The following RAI1 variants were observed in gnomAD, a reference collection of about 807,000 sequenced individuals.
RAI1 encodes retinoic acid induced 1.
Under a neutral mutation model 123.8 loss-of-function variants are expected in RAI1, and 9 were observed. The observed-to-expected ratio is 0.07, with a 90% CI of 0.04 to 0.13. RAI1 has a LOEUF of 0.13. RAI1 is among the 10% of genes least tolerant of loss of function. The probability of loss-of-function intolerance (pLI) is 1.00; values close to 1 mark genes in which losing one functional copy is unlikely to be tolerated. For synonymous variants in RAI1, 1,231 were observed against 1,127.3 expected (o/e 1.09, Z -1.84); for missense variants, 2,256 against 2,545.8 (o/e 0.89, Z 2.45).
rs1428329084 is a variant in RAI1, at chr17:17,793,037, A to G, written c.89A>G (p.Tyr30Cys). Reference sequence around the variant, plus strand: ...CAGGAAACATCACGCCTAGAGAATTACAGGCAGCCGAGTCAGGCCGGGCTA... The same window carrying G: ...CAGGAAACATCACGCCTAGAGAATTGCAGGCAGCCGAGTCAGGCCGGGCTA... Reference protein sequence around the residue: ...TSQETSRLENYRQPSQAGLSC... With the variant: ...TSQETSRLENCRQPSQAGLSC... The change falls in exon 3 of 6, where the codon TAC (tyrosine) becomes TGC (cysteine). Residue 30 changes from tyrosine to cysteine, a missense_variant. Around this residue, in one of 7 missense-constraint regions of RAI1, gnomAD observed 336 missense variants for 349.8 expected, o/e 0.96. Coordinates refer to ENST00000353383, the MANE Select transcript of RAI1 (RefSeq NM_030665.4). The G allele has an allele frequency of 6.2e-7, 1 of 1,614,178 alleles. No homozygotes were observed. Among genetic ancestry groups the G allele is most frequent in the South Asian group, 1.1e-5 (1 of 91,082 alleles).
At chr17:17,730,249 C>A (rs114702520) in intron 2 of RAI1, among the ~76,000 whole-genome samples, 8 of 152,224 alleles carry the variant, frequency 5.3e-5, no homozygotes, top group Admixed American at 5.2e-4. Context: ...GAAATGCTTC[C>A]GTTAGTCACT....
chr17:17,712,906 A>T (rs1411570266), intron 1 of RAI1, among the ~76,000 whole-genome samples: 1 of 152,020 alleles, frequency 6.6e-6, no homozygotes, highest in Non-Finnish European at 1.5e-5. Context: ...TGCAGATCAT[A>T]TGATTCCATT....
At chr17:17,737,745 AG>A (rs1916482020) in intron 2 of RAI1, among the ~76,000 whole-genome samples, 2 of 152,140 alleles carry the variant, frequency 1.3e-5, no homozygotes, top group Admixed American at 1.3e-4. Context: ...AACATGGGCA[AG>A]GGTCCAGGGC....
At chr17:17,728,928 A>G (rs1035581449) in intron 2 of RAI1, among the ~76,000 whole-genome samples, 12 of 152,120 alleles carry the variant, frequency 7.9e-5, no homozygotes, top group Non-Finnish European at 1.3e-4. Context: ...GGGGCCTACC[A>G]TGACAAGAAC....
intron 2 of RAI1, among the ~76,000 whole-genome samples, chr17:17,788,840 C>CTGTA (rs1598083344): frequency 6.6e-6 from 1 of 152,148 alleles, no homozygotes; most frequent in African/African-American, 2.4e-5. Flanking sequence ...CAGCTCTGGC[C>CTGTA]TACACTGTGC....
intron 2 of RAI1, among the ~76,000 whole-genome samples, chr17:17,739,147 A>C (rs1916534562): frequency 6.6e-6 from 1 of 152,238 alleles, no homozygotes; most frequent in Non-Finnish European, 1.5e-5. Flanking sequence ...TATTGCTCAC[A>C]CACTGGGGCA....
chr17:17,736,669 A>G (rs931624855), intron 2 of RAI1, among the ~76,000 whole-genome samples: 3 of 152,234 alleles, frequency 2.0e-5, no homozygotes, highest in African/African-American at 7.2e-5. Flanking sequence ...TTTCTAGAGA[A>G]GAGATGAAAA....
At chr17:17,725,565 G>C (rs1175898464) in intron 2 of RAI1, among the ~76,000 whole-genome samples, 1 of 152,162 alleles carries the variant, frequency 6.6e-6, no homozygotes, top group Non-Finnish European at 1.5e-5. Flanking sequence ...GAGGCTTCCC[G>C]GCACGCAGAA....
intron 2 of RAI1, among the ~76,000 whole-genome samples, chr17:17,736,098 C>A (rs996677136): frequency 2.0e-5 from 3 of 152,108 alleles, no homozygotes; most frequent in Non-Finnish European, 4.4e-5. Context: ...GTGTGCATTG[C>A]GCATGGCCCT....
At chr17:17,778,816 A>G (rs1306719226) in intron 2 of RAI1, 1 of 456,708 alleles carries the variant, frequency 2.2e-6, no homozygotes, top group Non-Finnish European at 4.4e-6. Flanking sequence ...CTAGCTATGT[A>G]CAGCTGGAAG....
At chr17:17,755,529 G>A (rs909210220) in intron 2 of RAI1, among the ~76,000 whole-genome samples, 18 of 152,190 alleles carry the variant, frequency 1.2e-4, no homozygotes, top group Non-Finnish European at 4.4e-5. Flanking sequence ...GGAGGGCAGA[G>A]GGTGGTAGAC....
In RAI1 at chr17:17,709,436, C is replaced by G. The variant is rs187923811; in HGVS notation, c.-148-14592C>G. Among the ~76,000 whole-genome samples the G allele has an allele frequency of 7.9e-5, 12 of 152,350 alleles. No individual in the cohort carries two copies. The East Asian group carries it at 2.3e-3, about 29-fold the overall frequency. On this transcript the variant is annotated intron_variant, in intron 1 of 5. Transcript: ENST00000353383. ...TACCCCGACTCTCTTCTCCACCCCT[C>G]CAGGCTCCCAAGGCCCCTGCCTGCC...
intron 1 of RAI1, among the ~76,000 whole-genome samples, chr17:17,723,174 C>T (rs1878007486): frequency 6.6e-6 from 1 of 152,174 alleles, no homozygotes; most frequent in Non-Finnish European, 1.5e-5. Context: ...CACGCAGGCA[C>T]AATCCCATAT....
intron 2 of RAI1, among the ~76,000 whole-genome samples, chr17:17,769,360 C>T (rs919237735): frequency 6.6e-6 from 1 of 152,204 alleles, no homozygotes; most frequent in Non-Finnish European, 1.5e-5. Context: ...CTGCGCAGGC[C>T]TCCTTGGGAC....
chr17:17,794,535 C>G lies in RAI1; in HGVS notation c.1587C>G (p.Phe529Leu), dbSNP rs1348529730. 2.5e-6 allele frequency: 4 copies of G among 1,613,038 alleles called. No homozygotes were observed. Among genetic ancestry groups the G allele is most frequent in the Non-Finnish European group, 3.4e-6 (4 of 1,179,968 alleles). The change falls in exon 3 of 6, where the codon TTC becomes TTG. Residue 529 changes from phenylalanine (F) to leucine (L), a missense_variant. Phe to Leu is a conservative substitution (Grantham distance 22). Around this residue, in one of 7 missense-constraint regions of RAI1, gnomAD observed 357 missense variants for 480.2 expected, o/e 0.74. Transcript: ENST00000353383. ...CCGAGGACCCACTGGAGCGCAGCTT[C>G]CTCTACTGCAACCAGGCCCGTGGCA... ...SGSEDPLERS[F>L]LYCNQARGSP...
At chr17:17,710,933 C>T (rs571416101) in intron 1 of RAI1, among the ~76,000 whole-genome samples, 8 of 152,280 alleles carry the variant, frequency 5.3e-5, no homozygotes, top group Admixed American at 3.9e-4. Flanking sequence ...TGTGTCTGTG[C>T]GGGGGTGTTG....
intron 2 of RAI1, among the ~76,000 whole-genome samples, chr17:17,759,615 G>A (rs1176609413): frequency 1.3e-5 from 2 of 152,090 alleles, no homozygotes; most frequent in Non-Finnish European, 2.9e-5. Context: ...CCCTTCATAC[G>A]CTGGAATAGT....
intron 2 of RAI1, among the ~76,000 whole-genome samples, chr17:17,749,525 A>G (rs972296433): frequency 2.6e-5 from 4 of 152,228 alleles, no homozygotes; most frequent in African/African-American, 9.6e-5. Flanking sequence ...CATGGCCACA[A>G]TTTAAATATG....
chr17:17,747,838 G>C (rs1225386540), intron 2 of RAI1, among the ~76,000 whole-genome samples: 3 of 152,212 alleles, frequency 2.0e-5, no homozygotes, highest in Admixed American at 2.0e-4. Context: ...GTAGAAGCAG[G>C]AGGATCTTTG....
Sources: gnomAD v4.1 joint callset for allele counts (sites outside exome capture counted in the v4.1 genomes callset) on GRCh38, gnomAD v4.1.1 for gene constraint, gnomAD v4.1.1 regional missense constraint, MANE v1.5 for transcripts, NCBI Gene and HGNC (gene_info 2026-07-23, HGNC 2026-07-21) for gene names.